The following GDPD4 variants were observed in gnomAD, a reference collection of about 807,000 sequenced individuals.
GDPD4 encodes the protein glycerophosphodiester phosphodiesterase 6.
A neutral mutation model predicts 67.8 loss-of-function variants in GDPD4; 60 were observed. That is an observed-to-expected ratio of 0.88 (90% CI 0.72 to 1.10). GDPD4 has a LOEUF of 1.10. Ranked by LOEUF, GDPD4 falls within the 50% of genes least tolerant of loss-of-function variation. The pLI is 0.00. For missense variants in GDPD4, 623 were observed against 613.9 expected, an observed-to-expected ratio of 1.01 and a Z score of -0.16; for synonymous variants, 212 against 210.9, an observed-to-expected ratio of 1.00 and a Z score of -0.04.
chr11:77,238,694 G>T (rs1591537668), intron 13 of GDPD4, among the ~76,000 whole-genome samples: 1 of 151,670 alleles, frequency 6.6e-6, no homozygotes, highest in South Asian at 2.1e-4. Flanking sequence ...GTAATAAAAA[G>T]TAATACAAAG....
At chr11:77,271,721 T>C (rs1422821376) in intron 5 of GDPD4, among the ~76,000 whole-genome samples, 1 of 152,242 alleles carries the variant, frequency 6.6e-6, no homozygotes, top group African/African-American at 2.4e-5. Context: ...GATTCAACAG[T>C]TGCCATTAAA....
Position 77,274,652 on chromosome 11 carries a change from C to T in GDPD4, c.207+1509G>A, listed in dbSNP as rs192005971. Among the ~76,000 whole-genome samples the T allele has an allele frequency of 3.3e-5, 5 of 152,288 alleles. No homozygotes were observed. The East Asian group carries it at 9.6e-4, about 29-fold the overall frequency. On this transcript the variant is annotated intron_variant, in intron 5 of 16. Coordinates refer to ENST00000315938, the MANE Select transcript of GDPD4 (RefSeq NM_182833.3). ...CTGCAGAACCATGAGACAAAATAGA[C>T]CTCTTTTCTTTATAAATTACCCAAT...
intron 1 of GDPD4, among the ~76,000 whole-genome samples, chr11:77,289,469 C>A (rs1342520017): frequency 6.7e-6 from 1 of 149,774 alleles, no homozygotes; most frequent in Non-Finnish European, 1.5e-5. Context: ...TGCCTGTAAT[C>A]CCAGCACTCT....
chr11:77,289,289 G>A (rs1370775074), intron 1 of GDPD4, among the ~76,000 whole-genome samples: 1 of 150,676 alleles, frequency 6.6e-6, no homozygotes, highest in African/African-American at 2.4e-5. Flanking sequence ...CTTGAACCTG[G>A]AAGGCGGAGG....
intron 15 of GDPD4, among the ~76,000 whole-genome samples, chr11:77,228,499 CAAAAAAAAAAAAAA>C (rs58364800): frequency 2.3e-4 from 6 of 26,640 alleles, no homozygotes; most frequent in East Asian, 1.8e-3. Flanking sequence ...GACTCCGTCT[CAAAAAAAAAAAAAA>C]AAAAAAAAAA....
chr11:77,266,535 A>T (rs766588318), intron 10 of GDPD4, among the ~76,000 whole-genome samples: 31 of 152,162 alleles, frequency 2.0e-4, no homozygotes, highest in Non-Finnish European at 3.7e-4. Context: ...TTATATATTT[A>T]AAAAATTAAA....
intron 2 of GDPD4, among the ~76,000 whole-genome samples, chr11:77,285,407 T>C (rs1434215916): frequency 6.6e-6 from 1 of 152,216 alleles, no homozygotes; most frequent in Non-Finnish European, 1.5e-5. Flanking sequence ...ATGTTTTATC[T>C]GATGCTACAC....
Position 77,258,486 on chromosome 11 carries a change from A to G in GDPD4, c.764T>C (p.Ile255Thr), listed in dbSNP as rs1430050196. ...HDFDLKRTTN[I>T]GEVQPESACE... ...GGCAGATTCTGGCTGAACTTCCCCA[A>G]TATTGGTTGTTCTTTTCAGGTCAAA... The change falls in exon 11 of 17, where the codon ATT becomes ACT. Residue 255 changes from isoleucine to threonine, a missense_variant. Physicochemically the swap from Ile to Thr is moderately conservative, Grantham distance 89. Transcript: ENST00000315938. 2 of 1,614,034 alleles carry G rather than the reference A, an allele frequency of 1.2e-6. No individual in the cohort carries two copies. The highest frequency in any genetic ancestry group is 1.3e-5 in the African/African-American group (1 of 75,040).
intron 13 of GDPD4, among the ~76,000 whole-genome samples, chr11:77,238,107 G>C (rs1266044144): frequency 1.3e-5 from 2 of 151,986 alleles, no homozygotes. Context: ...AGGTGCAATA[G>C]GAAAAAGATA....
Position 77,285,082 on chromosome 11 carries a change from C to G in GDPD4, c.53+3G>C, listed in dbSNP as rs1481023810. 8 of 1,604,508 alleles carry G rather than the reference C, an allele frequency of 5.0e-6. No homozygotes were observed. In the Admixed American group the frequency reaches 1.3e-4, roughly 27 times the overall value. On this transcript the variant is annotated splice_donor_region_variant and intron_variant, in intron 3 of 16. Coordinates refer to ENST00000315938, the MANE Select transcript of GDPD4 (RefSeq NM_182833.3). ...AAATGAAACTACAAAAAGTGAAACT[C>G]ACCAGTCAAAGTTAAAGTATTCACT... is the stretch of plus-strand genomic sequence containing the variant.
At chr11:77,288,633 C>T (rs1034549814) in intron 1 of GDPD4, among the ~76,000 whole-genome samples, 2 of 152,124 alleles carry the variant, frequency 1.3e-5, no homozygotes, top group African/African-American at 4.8e-5. Context: ...ACCAACTCTA[C>T]AGATACATCT....
chr11:77,292,893 CAAG>C (rs905467696), intron 1 of GDPD4, among the ~76,000 whole-genome samples: 1 of 151,936 alleles, frequency 6.6e-6, no homozygotes, highest in Non-Finnish European at 1.5e-5. Context: ...GAAGCTCACT[CAAG>C]AAGGAATAGA....
At chr11:77,236,948 G>T (rs1958580601) in intron 13 of GDPD4, among the ~76,000 whole-genome samples, 3 of 152,118 alleles carry the variant, frequency 2.0e-5, no homozygotes, top group South Asian at 2.1e-4. Flanking sequence ...TTTGTAAAAA[G>T]AATAATAATA....
At position 77,291,847 on chromosome 11, in the gene GDPD4, A is replaced by G. The variant is rs558503042; in HGVS notation, c.-253-4427T>C. Among the ~76,000 whole-genome samples, 19 of 152,246 alleles carry G rather than the reference A, an allele frequency of 1.2e-4. No individual in the cohort carries two copies. The East Asian group carries it at 3.7e-3, about 29-fold the overall frequency. On this transcript the variant is annotated intron_variant, in intron 1 of 16. Transcript: ENST00000315938. ...GGAGTTTGAGACCAGCCTGACCAAC[A>G]TGGAGAAACCCCGTCTCTACTAAAA...
chr11:77,267,968 T>C (rs1365042030), intron 10 of GDPD4, among the ~76,000 whole-genome samples: 1 of 152,110 alleles, frequency 6.6e-6, no homozygotes. Context: ...GAGGTTCCAT[T>C]ACACTTATTT....
chr11:77,270,246 G>A (rs920627320), intron 7 of GDPD4, among the ~76,000 whole-genome samples: 1 of 152,300 alleles, frequency 6.6e-6, no homozygotes, highest in African/African-American at 2.4e-5. Context: ...ACAGTTTAGT[G>A]TACAGATCCA....
intron 16 of GDPD4, among the ~76,000 whole-genome samples, chr11:77,226,770 C>T (rs879729647): frequency 6.6e-6 from 1 of 152,164 alleles, no homozygotes. Flanking sequence ...AACCATGTAA[C>T]TTGAGGTCGC....
At chr11:77,257,176 C>G (rs1959017816) in intron 11 of GDPD4, among the ~76,000 whole-genome samples, 4 of 152,188 alleles carry the variant, frequency 2.6e-5, no homozygotes, top group Admixed American at 2.6e-4. Context: ...GTCACATGTG[C>G]TAGCAATATG....
chr11:77,236,975 G>C (rs1958581380), intron 13 of GDPD4, among the ~76,000 whole-genome samples: 1 of 152,172 alleles, frequency 6.6e-6, no homozygotes, highest in South Asian at 2.1e-4. Context: ...AGGAAGAGTA[G>C]CCTTATATGT....
Sources: allele counts gnomAD v4.1 joint callset (sites outside exome capture counted in the v4.1 genomes callset), GRCh38; gene constraint gnomAD v4.1.1; transcripts MANE v1.5; gene names NCBI Gene and HGNC (gene_info 2026-07-23, HGNC 2026-07-21).